The following DBNL variants were observed in gnomAD, a reference collection of about 807,000 sequenced individuals.
DBNL encodes the protein drebrin-like protein.
In DBNL, 35 loss-of-function variants were observed where a neutral mutation model predicts 62.2. The observed-to-expected ratio is 0.56, with a 90% CI of 0.43 to 0.75. The LOEUF (loss-of-function observed/expected upper bound fraction) is 0.75, where lower values mean the gene tolerates loss of function less well. Ranked by LOEUF, DBNL falls within the 30% of genes least tolerant of loss-of-function variation. The pLI, the probability that DBNL is intolerant of heterozygous loss-of-function variation, is 0.00. For missense variants in DBNL, 495 were observed against 578.4 expected, an observed-to-expected ratio of 0.86 and a Z score of 1.48; for synonymous variants, 197 against 218.0, an observed-to-expected ratio of 0.90 and a Z score of 0.85.
Position 44,051,926 on chromosome 7 carries a change from T to C in DBNL, c.236T>C (p.Phe79Ser). Residue 79 changes from phenylalanine to serine, a missense_variant, in exon 3 of 13, where the codon TTT (phenylalanine) becomes TCT (serine). Phe to Ser is a radical substitution (Grantham distance 155). Coordinates refer to ENST00000448521, the MANE Select transcript of DBNL (RefSeq NM_001014436.3). Reference protein sequence around the residue: ...VKDPNSGLPKFVLINWTGEGV... With the variant: ...VKDPNSGLPKSVLINWTGEGV... ...GACCCCAACTCTGGACTGCCCAAAT[T>C]TGTCCTCATCAACTGGGTATGTGGA... 1.9e-6 allele frequency: 3 copies of C among 1,614,160 alleles called. No homozygotes were observed. The highest frequency in any genetic ancestry group is 2.5e-6 in the Non-Finnish European group (3 of 1,180,010).
At chr7:44,046,265 C>T (rs190351024) in intron 1 of DBNL, among the ~76,000 whole-genome samples, 3 of 152,344 alleles carry the variant, frequency 2.0e-5, no homozygotes, top group Admixed American at 2.0e-4. Context: ...TTAACATGCT[C>T]TTGATCACTC....
Position 44,058,468 on chromosome 7 carries a change from C to T in DBNL, c.741C>T (p.Asn247=). 6.2e-7 allele frequency: 1 copy of T among 1,614,224 alleles called. No individual in the cohort carries two copies. Among genetic ancestry groups the T allele is most frequent in the Non-Finnish European group, 8.5e-7 (1 of 1,180,040 alleles). The change falls in exon 8 of 13, where the codon AAC becomes AAT. Residue 247 remains asparagine (N), a synonymous_variant. Transcript: ENST00000448521. ...AGCAGCAAGAAGTGGTTTCAAGGAA[C>T]CGAAATGAGCAGGTAAGATGGGGGT... is the stretch of plus-strand genomic sequence containing the variant. ...WEQQQEVVSR[N]RNEQESAVHP... is the part of the protein sequence containing the mutation.
Position 44,069,094 on chromosome 7 carries a change from G to A in DBNL, c.*8178G>A, listed in dbSNP as rs2096164592. 1 of 151,900 alleles carries A rather than the reference G, an allele frequency of 6.6e-6. No individual in the cohort carries two copies. The highest frequency in any genetic ancestry group is 6.6e-5 in the Admixed American group (1 of 15,242). 9.4% of individuals were successfully genotyped at this position (151,900 alleles called of 1,614,324 possible). A position where few individuals can be genotyped will look rare whatever the true frequency, so the allele number is the denominator to read the frequency against. On this transcript the variant is annotated 3_prime_UTR_variant, in exon 13 of 13. Coordinates refer to ENST00000448521, the MANE Select transcript of DBNL (RefSeq NM_001014436.3). ...TGAAATAAAGACATTCTCAAATGAA[G>A]GCAAGCTGAGGAAATTCATAACCAA... is the stretch of plus-strand genomic sequence containing the variant.
In DBNL at chr7:44,065,557, T is replaced by C. The variant is rs2096158455; in HGVS notation, c.*4641T>C. 15 of 1,609,978 alleles carry C rather than the reference T, an allele frequency of 9.3e-6. No individual in the cohort carries two copies. Among genetic ancestry groups the C allele is most frequent in the African/African-American group, 1.3e-5 (1 of 74,864 alleles). ...TGGCAGCAGGGACCACAGAGGACTC[T>C]GGACGGGGACGGCTGCTTCCCAACA... On this transcript the variant is annotated 3_prime_UTR_variant, in exon 13 of 13. Coordinates refer to ENST00000448521, the MANE Select transcript of DBNL (RefSeq NM_001014436.3).
At chr7:44,056,118 C>T (rs1420684570) in intron 4 of DBNL, among the ~76,000 whole-genome samples, 1 of 152,080 alleles carries the variant, frequency 6.6e-6, no homozygotes, top group South Asian at 2.1e-4. Context: ...GATTTAGTTT[C>T]ATTCTTCTGC....
Position 44,066,997 on chromosome 7 carries a change from G to C in DBNL, c.*6081G>C, listed in dbSNP as rs1303606779. The C allele has an allele frequency of 6.6e-6, 1 of 152,458 alleles. No homozygotes were observed. The highest frequency in any genetic ancestry group is 1.5e-5 in the Non-Finnish European group (1 of 68,166). The allele number at this position is 152,458 out of a possible 1,614,324, so 9.4% of individuals were successfully genotyped here. ...CAGACATGAAGCCCATATTTCAGTGGAGGAGGGATCGTACCAGCAGCTAAA... is the reference window on the plus strand; with the variant it reads ...CAGACATGAAGCCCATATTTCAGTGCAGGAGGGATCGTACCAGCAGCTAAA... On this transcript the variant is annotated 3_prime_UTR_variant, in exon 13 of 13. Transcript: ENST00000448521.
rs1310905553 is a variant in DBNL at position 44,059,736 on chromosome 7, C to G, written c.1047+78C>G. ...ACTTATCACGGGCCGCCTGAGTTTT[C>G]TGGGGGCATGCAACAGGTTTTAAAG... is the stretch of plus-strand genomic sequence containing the variant. On this transcript the variant is annotated intron_variant, in intron 11 of 12. Coordinates refer to ENST00000448521, the MANE Select transcript of DBNL (RefSeq NM_001014436.3). This position sits in a 1 kb window ranked among gnomAD's most constrained non-coding sequence, Gnocchi z 4.1. 4.4e-6 allele frequency: 6 copies of G among 1,368,420 alleles called. No individual in the cohort carries two copies. The highest frequency in any genetic ancestry group is 2.2e-5 in the Admixed American group (1 of 44,550). 84.8% of individuals were successfully genotyped at this position (1,368,420 alleles called of 1,614,324 possible). A position where few individuals can be genotyped will look rare whatever the true frequency, so the allele number is the denominator to read the frequency against.
Position 44,044,875 on chromosome 7 carries a change from G to C in DBNL, c.83+55G>C, listed in dbSNP as rs763286866. 69 of 1,359,492 alleles carry C rather than the reference G, an allele frequency of 5.1e-5. No individual in the cohort carries two copies. In the African/African-American group the frequency reaches 1.0e-3, roughly 20 times the overall value. The allele number at this position is 1,359,492 out of a possible 1,614,324, so 84.2% of individuals were successfully genotyped here. The stretch of plus-strand genomic sequence containing the variant: ...CAGGGGCTGCCTCAGGGGTGGGTCT[G>C]TCTGGGGCGAGCGGGGGACTCGGGG... On this transcript the variant is annotated intron_variant, in intron 1 of 12. Coordinates refer to ENST00000448521, the MANE Select transcript of DBNL (RefSeq NM_001014436.3).
chr7:44,046,039 T>G (rs1325792033), intron 1 of DBNL, among the ~76,000 whole-genome samples: 3 of 152,230 alleles, frequency 2.0e-5, no homozygotes, highest in African/African-American at 7.2e-5. Context: ...GTCAGTGTTA[T>G]TTTTCTCAGG....
chr7:44,067,966 G>C lies in DBNL; in HGVS notation c.*7050G>C, dbSNP rs377528217. On this transcript the variant is annotated 3_prime_UTR_variant, in exon 13 of 13. Transcript: ENST00000448521. ...CCAGGAAGAATCAGAGGAGTGGGAT[G>C]TGAAGCCCCTCGAAGTCAGTGAGTT... 9.2e-5 allele frequency: 14 copies of C among 152,350 alleles called. No homozygotes were observed. The highest frequency in any genetic ancestry group is 1.8e-4 in the Non-Finnish European group (12 of 68,062). The allele number at this position is 152,350 out of a possible 1,614,324, so 9.4% of individuals were successfully genotyped here.
In DBNL at chr7:44,059,273, A is replaced by G; in HGVS notation, c.836-81A>G. On this transcript the variant is annotated intron_variant, in intron 9 of 12. Coordinates refer to ENST00000448521, the MANE Select transcript of DBNL (RefSeq NM_001014436.3). The surrounding 1 kb of genome is among the most constrained non-coding windows in gnomAD (Gnocchi z 4.1). ...AGCCCCATGAGACTGCCTCGAGCAC[A>G]CCAGGGTGGAGGGTGCTGTGGGGTG... 7.0e-7 allele frequency: 1 copy of G among 1,424,662 alleles called. No individual in the cohort carries two copies. Among genetic ancestry groups the G allele is most frequent in the Non-Finnish European group, 9.7e-7 (1 of 1,028,694 alleles). The allele number at this position is 1,424,662 out of a possible 1,614,324, so 88.3% of individuals were successfully genotyped here. A position where few individuals can be genotyped will look rare whatever the true frequency, so the allele number is the denominator to read the frequency against.
intron 4 of DBNL, 80 bp from the exon 5 acceptor site, chr7:44,056,677 C>A: frequency 6.4e-7 from 1 of 1,572,410 alleles, no homozygotes; most frequent in Non-Finnish European, 8.6e-7. Flanking sequence ...AGTAGTGGCC[C>A]GTGCTGTATG....
Position 44,060,522 on chromosome 7 carries a change from C to T in DBNL, c.1154-255C>T, listed in dbSNP as rs1403966953. ...AATGGGGTGGAGGCCCCCTACGGAGCAGGCTGGTGTCTACTCTAGCCTTTT... is the reference window on the plus strand; with the variant it reads ...AATGGGGTGGAGGCCCCCTACGGAGTAGGCTGGTGTCTACTCTAGCCTTTT... On this transcript the variant is annotated intron_variant, in intron 12 of 12. Coordinates refer to ENST00000448521, the MANE Select transcript of DBNL (RefSeq NM_001014436.3). This position sits in a 1 kb window ranked among gnomAD's most constrained non-coding sequence, Gnocchi z 6.3. Among the ~76,000 whole-genome samples the T allele has an allele frequency of 6.6e-6, 1 of 152,124 alleles. No homozygotes were observed. Among genetic ancestry groups the T allele is most frequent in the African/African-American group, 2.4e-5 (1 of 41,410 alleles).
Position 44,065,005 on chromosome 7 carries a change from C to A in DBNL, c.*4089C>A. The A allele has an allele frequency of 6.2e-7, 1 of 1,606,222 alleles. No individual in the cohort carries two copies. Among genetic ancestry groups the A allele is most frequent in the South Asian group, 1.1e-5 (1 of 90,868 alleles). On this transcript the variant is annotated 3_prime_UTR_variant, in exon 13 of 13. Transcript: ENST00000448521. ...TTCCCCGGGCTTCAGGCCTGCGTAC[C>A]GACGCTCCTGGGGGACACAGGCACG...
At chr7:44,049,777 A>AGT (rs1562650815) in intron 1 of DBNL, 1 of 158,958 alleles carries the variant, frequency 6.3e-6, no homozygotes, top group African/African-American at 2.4e-5. Context: ...CAAGGGGCCC[A>AGT]GTGTGTGTAT....
Position 44,044,742 on chromosome 7 carries a change from C to A in DBNL, c.5C>A (p.Ala2Glu). 1.3e-6 allele frequency: 2 copies of A among 1,503,780 alleles called. No homozygotes were observed. The highest frequency in any genetic ancestry group is 2.1e-5 in the Admixed American group (1 of 46,546). The allele number at this position is 1,503,780 out of a possible 1,614,324, so 93.2% of individuals were successfully genotyped here. ...GCGGAGACTGCGGGGCGGGCCATGG[C>A]GGCGAACCTGAGCCGGAACGGGCCA... M[A>E]ANLSRNGPAL... The change falls in exon 1 of 13, where the codon GCG becomes GAG. Residue 2 changes from alanine to glutamate, a missense_variant. By Grantham distance (107) the Ala-to-Glu change is moderately radical. Coordinates refer to ENST00000448521, the MANE Select transcript of DBNL (RefSeq NM_001014436.3).
In DBNL at chr7:44,051,881, A is replaced by T; in HGVS notation, c.191A>T (p.Tyr64Phe). 6.2e-7 allele frequency: 1 copy of T among 1,614,164 alleles called. No individual in the cohort carries two copies. The highest frequency in any genetic ancestry group is 8.5e-7 in the Non-Finnish European group (1 of 1,180,020). ...VEELNSGKVM[Y>F]AFCRVKDPNS... ...GAGCTCAACAGCGGGAAGGTGATGT[A>T]CGCCTTCTGCAGAGTGAAGGACCCC... The change falls in exon 3 of 13, where the codon TAC (tyrosine) becomes TTC (phenylalanine). Residue 64 changes from tyrosine to phenylalanine, a missense_variant. Transcript: ENST00000448521.
intron 1 of DBNL, among the ~76,000 whole-genome samples, chr7:44,048,570 A>C (rs1389737686): frequency 6.6e-6 from 1 of 152,200 alleles, no homozygotes; most frequent in Non-Finnish European, 1.5e-5. Context: ...CTGAGGCATA[A>C]GTATCTCTGC....
At chr7:44,053,399 T>C (rs937497760) in intron 4 of DBNL, among the ~76,000 whole-genome samples, 4 of 152,198 alleles carry the variant, frequency 2.6e-5, no homozygotes, top group Non-Finnish European at 5.9e-5. Flanking sequence ...TTTTAAAAAC[T>C]ATTTGTAACA....
Sources: gnomAD v4.1 joint callset for allele counts (sites outside exome capture counted in the v4.1 genomes callset) on GRCh38, gnomAD v4.1.1 for gene constraint, Gnocchi (gnomAD v3.1) non-coding constraint, MANE v1.5 for transcripts, NCBI Gene and HGNC (gene_info 2026-07-23, HGNC 2026-07-21) for gene names.